Variants in FSTL5 observed in about 807,000 individuals in gnomAD.
FSTL5 encodes the protein follistatin-related protein 5.
Under a neutral mutation model 89.1 loss-of-function variants are expected in FSTL5, and 62 were observed. The observed-to-expected ratio is 0.70, with a 90% CI of 0.57 to 0.86. The LOEUF (loss-of-function observed/expected upper bound fraction) is 0.86, where lower values mean the gene tolerates loss of function less well. FSTL5 is among the 40% of genes least tolerant of loss of function. FSTL5 has a pLI of 0.00. For synonymous variants in FSTL5, 383 were observed against 346.2 expected, an observed-to-expected ratio of 1.11 and a Z score of -1.18; for missense variants, 1,057 against 1,001.6, an observed-to-expected ratio of 1.06 and a Z score of -0.75.
At chr4:161,702,569 G>A (rs1738432098) in intron 6 of FSTL5, among the ~76,000 whole-genome samples, 1 of 152,054 alleles carries the variant, frequency 6.6e-6, no homozygotes, top group Non-Finnish European at 1.5e-5. Flanking sequence ...TGATCATTGT[G>A]ATAATAACAG....
intron 2 of FSTL5, among the ~76,000 whole-genome samples, chr4:162,042,532 G>A (rs1738004409): frequency 6.6e-6 from 1 of 151,974 alleles, no homozygotes; most frequent in African/African-American, 2.4e-5. Flanking sequence ...AGATAGCATG[G>A]ATAAGGGATG....
intron 6 of FSTL5, among the ~76,000 whole-genome samples, chr4:161,741,351 C>G (rs762221688): frequency 1.3e-5 from 2 of 152,072 alleles, no homozygotes; most frequent in African/African-American, 4.8e-5. Context: ...AGGAAGAGAA[C>G]TGGAAAGATA....
chr4:161,976,984 G>A (rs1039238843), intron 3 of FSTL5, among the ~76,000 whole-genome samples: 17 of 152,100 alleles, frequency 1.1e-4, no homozygotes, highest in African/African-American at 4.1e-4. Context: ...TGACTATAAT[G>A]GCTATCTTCA....
intron 6 of FSTL5, among the ~76,000 whole-genome samples, chr4:161,737,103 G>T (rs1241308800): frequency 6.6e-6 from 1 of 152,068 alleles, no homozygotes; most frequent in African/African-American, 2.4e-5. Context: ...AGCCACGAAA[G>T]AATCTACTCC....
At chr4:161,458,972 C>A (rs1292593311) in intron 14 of FSTL5, among the ~76,000 whole-genome samples, 1 of 152,168 alleles carries the variant, frequency 6.6e-6, no homozygotes, top group Non-Finnish European at 1.5e-5. Flanking sequence ...TCAGCTTTGT[C>A]ACTATAGGTT....
At chr4:161,578,737 A>T (rs1240742554) in intron 8 of FSTL5, among the ~76,000 whole-genome samples, 1 of 152,252 alleles carries the variant, frequency 6.6e-6, no homozygotes, top group East Asian at 1.9e-4. Flanking sequence ...ATAAATGAAA[A>T]AAAGAGACTA....
chr4:161,507,825 A>C (rs1278092392), intron 11 of FSTL5, among the ~76,000 whole-genome samples: 1 of 151,912 alleles, frequency 6.6e-6, no homozygotes, highest in Non-Finnish European at 1.5e-5. Context: ...TTAATATAAA[A>C]ATAACATAGG....
chr4:161,816,945 G>A (rs910941574), intron 4 of FSTL5, among the ~76,000 whole-genome samples: 1 of 152,208 alleles, frequency 6.6e-6, no homozygotes, highest in Non-Finnish European at 1.5e-5. Context: ...TCCCCTCAGA[G>A]GGCCTTTTAG....
chr4:161,546,053 A>T (rs545975885), intron 8 of FSTL5, among the ~76,000 whole-genome samples: 2 of 151,808 alleles, frequency 1.3e-5, no homozygotes, highest in East Asian at 1.9e-4. Flanking sequence ...AATTAAAATA[A>T]ATCAACTAGA....
At chr4:161,430,347 A>G (rs112840837) in intron 15 of FSTL5, among the ~76,000 whole-genome samples, 2,367 of 152,272 alleles carry the variant, frequency 0.016, 56 homozygotes, top group African/African-American at 0.054. Context: ...TCAAACAGAG[A>G]ACTTTCCAAA....
At chr4:161,908,282 G>T (rs1733592845) in intron 4 of FSTL5, among the ~76,000 whole-genome samples, 1 of 151,768 alleles carries the variant, frequency 6.6e-6, no homozygotes, top group South Asian at 2.1e-4. Flanking sequence ...TCCAATACAT[G>T]ATTATCATGT....
intron 2 of FSTL5, among the ~76,000 whole-genome samples, chr4:162,083,057 C>T (rs1561009202): frequency 2.0e-5 from 3 of 151,572 alleles, no homozygotes; most frequent in South Asian, 4.1e-4. Context: ...GTATTTAGTG[C>T]TTACTCAATG....
intron 8 of FSTL5, among the ~76,000 whole-genome samples, chr4:161,549,273 G>T (rs1037047845): frequency 1.3e-5 from 2 of 151,242 alleles, no homozygotes; most frequent in Admixed American, 1.3e-4. Context: ...AATAAATATT[G>T]TACTATATTT....
intron 1 of FSTL5, among the ~76,000 whole-genome samples, chr4:162,132,570 CCCA>C (rs2111460945): frequency 6.6e-6 from 1 of 152,212 alleles, no homozygotes; most frequent in South Asian, 2.1e-4. Context: ...ACACCAAGAA[CCCA>C]CCAATTCCGG....
At chr4:161,827,847 C>T (rs1579121410) in intron 4 of FSTL5, among the ~76,000 whole-genome samples, 2 of 152,132 alleles carry the variant, frequency 1.3e-5, no homozygotes, top group Non-Finnish European at 2.9e-5. Context: ...TGAGAACTTG[C>T]CCCATGCTAC....
chr4:162,125,049 A>G (rs1436139379), intron 1 of FSTL5, among the ~76,000 whole-genome samples: 1 of 152,128 alleles, frequency 6.6e-6, no homozygotes, highest in African/African-American at 2.4e-5. Context: ...GATTCAGCCC[A>G]CTGATTGTCC....
chr4:161,762,916 G>C (rs1431648964), intron 5 of FSTL5, among the ~76,000 whole-genome samples: 1 of 152,048 alleles, frequency 6.6e-6, no homozygotes, highest in African/African-American at 2.4e-5. Flanking sequence ...TGGCATCAGG[G>C]GAGTTCAGAC....
chr4:161,864,703 C>T (rs893811000), intron 4 of FSTL5, among the ~76,000 whole-genome samples: 1 of 151,836 alleles, frequency 6.6e-6, no homozygotes, highest in Non-Finnish European at 1.5e-5. Context: ...AACCCCATCT[C>T]TAGTAAAAAG....
At chr4:162,078,945 C>T (rs764991043) in intron 2 of FSTL5, among the ~76,000 whole-genome samples, 12 of 151,644 alleles carry the variant, frequency 7.9e-5, no homozygotes, top group Non-Finnish European at 1.5e-4. Flanking sequence ...GAAACTTGGG[C>T]ATGCTCTACT....
Sources: gnomAD v4.1 joint callset for allele counts (sites outside exome capture counted in the v4.1 genomes callset) on GRCh38, gnomAD v4.1.1 for gene constraint, MANE v1.5 for transcripts, NCBI Gene and HGNC (gene_info 2026-07-23, HGNC 2026-07-21) for gene names.